NRXN1: variants seen among roughly 807,000 people sequenced by gnomAD.
NRXN1 encodes neurexin 1.
A neutral mutation model predicts 150.9 loss-of-function variants in NRXN1; 39 were observed. The ratio of observed to expected loss-of-function variants is 0.26; its 90% CI spans 0.20 to 0.34. NRXN1 has a LOEUF of 0.34. NRXN1 is among the 10% of genes least tolerant of loss of function. The pLI is 1.00. For missense variants in NRXN1, 1,815 were observed against 1,949.9 expected (o/e 0.93, Z 1.30); for synonymous variants, 924 against 757.0 (o/e 1.22, Z -3.62).
At chr2:50,143,184 AAAAT>A (rs1707517010) in intron 18 of NRXN1, among the ~76,000 whole-genome samples, 1 of 151,762 alleles carries the variant, frequency 6.6e-6, no homozygotes, top group Non-Finnish European at 1.5e-5. Flanking sequence ...TGAAGAAAGA[AAAAT>A]AAAAGAGAAT....
rs999776541 is a variant in NRXN1 at position 50,400,312 on chromosome 2, C to A, written c.3364+65130G>T. ...GAAAACATAGCAGAACAGACAAAAT[C>A]AAGGATGATAATTGTTTATTCATCT... On this transcript the variant is annotated intron_variant, in intron 17 of 22. Coordinates refer to ENST00000401669, the MANE Select transcript of NRXN1 (RefSeq NM_001330078.2). Among the ~76,000 whole-genome samples the A allele has an allele frequency of 2.0e-5, 3 of 151,840 alleles. No homozygotes were observed. In the East Asian group the frequency reaches 5.8e-4, roughly 29 times the overall value.
chr2:50,784,496 G>C (rs1704813083), intron 5 of NRXN1, among the ~76,000 whole-genome samples: 2 of 152,014 alleles, frequency 1.3e-5, no homozygotes, highest in South Asian at 4.2e-4. Context: ...AACATGGTGA[G>C]TATGAAAAAA....
intron 19 of NRXN1, among the ~76,000 whole-genome samples, chr2:50,080,674 T>G (rs2152683528): frequency 6.6e-6 from 1 of 152,040 alleles, no homozygotes; most frequent in Non-Finnish European, 1.5e-5. Flanking sequence ...ATAAATTTAT[T>G]AGAAGGATAA....
intron 5 of NRXN1, among the ~76,000 whole-genome samples, chr2:50,782,266 T>G (rs1437490452): frequency 6.6e-6 from 1 of 151,970 alleles, no homozygotes; most frequent in East Asian, 1.9e-4. Flanking sequence ...GTCAGGAGTT[T>G]GAGACCATCC....
chr2:50,142,597 A>G (rs541133714), intron 18 of NRXN1, among the ~76,000 whole-genome samples: 3 of 151,956 alleles, frequency 2.0e-5, no homozygotes, highest in Non-Finnish European at 4.4e-5. Flanking sequence ...ATAAAAATGT[A>G]TATCAATTAA....
intron 17 of NRXN1, among the ~76,000 whole-genome samples, chr2:50,239,662 G>GTATATATATATATA (rs59505952): frequency 8.5e-5 from 4 of 47,280 alleles, no homozygotes; most frequent in South Asian, 1.1e-3. Flanking sequence ...ACCTATTCCA[G>GTATATATATATATA]TATATATATA....
chr2:50,608,996 C>T (rs541624188), intron 8 of NRXN1, among the ~76,000 whole-genome samples: 32 of 152,060 alleles, frequency 2.1e-4, no homozygotes, highest in African/African-American at 7.5e-4. Context: ...ATTTTTGATA[C>T]ATTAGATAGT....
At chr2:50,462,049 T>G (rs1255017401) in intron 17 of NRXN1, among the ~76,000 whole-genome samples, 1 of 151,920 alleles carries the variant, frequency 6.6e-6, no homozygotes, top group African/African-American at 2.4e-5. Flanking sequence ...GTCCACGAAT[T>G]CCACATTGAC....
At chr2:50,717,147 A>G (rs1695971071) in intron 5 of NRXN1, among the ~76,000 whole-genome samples, 1 of 152,208 alleles carries the variant, frequency 6.6e-6, no homozygotes, top group African/African-American at 2.4e-5. Flanking sequence ...CTAGTACAGT[A>G]AGTACTTAAT....
chr2:50,671,404 C>T (rs1688825305), intron 5 of NRXN1, among the ~76,000 whole-genome samples: 2 of 151,368 alleles, frequency 1.3e-5, no homozygotes, highest in African/African-American at 4.8e-5. Flanking sequence ...CTGAATATGG[C>T]AAAATTATAT....
At chr2:50,624,553 A>C (rs370267299) in intron 5 of NRXN1, among the ~76,000 whole-genome samples, 1 of 152,198 alleles carries the variant, frequency 6.6e-6, no homozygotes, top group East Asian at 1.9e-4. Flanking sequence ...GGTAAGGAGA[A>C]AGGGAAGAAA....
chr2:50,861,595 C>A (rs1411303874), intron 5 of NRXN1, among the ~76,000 whole-genome samples: 1 of 151,992 alleles, frequency 6.6e-6, no homozygotes, highest in African/African-American at 2.4e-5. Context: ...ACCAGAGGAG[C>A]GTTTAGTCCA....
chr2:50,462,130 C>T (rs534920747), intron 17 of NRXN1, among the ~76,000 whole-genome samples: 33 of 151,804 alleles, frequency 2.2e-4, no homozygotes, highest in Non-Finnish European at 4.1e-4. Context: ...GTGTCTAGCA[C>T]GCTTTGATTT....
chr2:50,379,168 G>T (rs2080757003), intron 17 of NRXN1, among the ~76,000 whole-genome samples: 1 of 152,128 alleles, frequency 6.6e-6, no homozygotes, highest in South Asian at 2.1e-4. Flanking sequence ...TTCAGAGGAA[G>T]AAGATAAAAG....
chr2:50,533,311 T>G (rs1049448520), intron 10 of NRXN1, among the ~76,000 whole-genome samples: 1 of 152,178 alleles, frequency 6.6e-6, no homozygotes, highest in African/African-American at 2.4e-5. Context: ...AAATTTTCAA[T>G]TGGAATATGA....
intron 8 of NRXN1, among the ~76,000 whole-genome samples, chr2:50,587,496 C>G (rs909585397): frequency 6.6e-6 from 1 of 152,042 alleles, no homozygotes; most frequent in African/African-American, 2.4e-5. Flanking sequence ...AAAAAAGAAT[C>G]CCTGTTTTCC....
chr2:50,670,821 T>G (rs990468061), intron 5 of NRXN1, among the ~76,000 whole-genome samples: 4 of 151,954 alleles, frequency 2.6e-5, no homozygotes, highest in Non-Finnish European at 4.4e-5. Context: ...TATGCATTTA[T>G]TTAAAGAATA....
At chr2:50,789,191 T>C (rs1574481359) in intron 5 of NRXN1, among the ~76,000 whole-genome samples, 1 of 152,212 alleles carries the variant, frequency 6.6e-6, no homozygotes, top group African/African-American at 2.4e-5. Flanking sequence ...TACATCTTTA[T>C]ATACCTACTG....
At chr2:50,142,022 T>C (rs1329360656) in intron 18 of NRXN1, among the ~76,000 whole-genome samples, 1 of 152,048 alleles carries the variant, frequency 6.6e-6, no homozygotes, top group South Asian at 2.1e-4. Context: ...GTTGCAGTAA[T>C]ATTCACAATA....
Sources: gnomAD v4.1 joint callset for allele counts (sites outside exome capture counted in the v4.1 genomes callset) on GRCh38, gnomAD v4.1.1 for gene constraint, MANE v1.5 for transcripts, NCBI Gene and HGNC (gene_info 2026-07-23, HGNC 2026-07-21) for gene names.